TMEM63C: variants seen among roughly 807,000 people sequenced by gnomAD.
The protein encoded by TMEM63C is transmembrane protein 63C.
Under a neutral mutation model 99.2 loss-of-function variants are expected in TMEM63C, and 32 were observed. That is an observed-to-expected ratio of 0.32 (90% CI 0.24 to 0.43). The LOEUF (loss-of-function observed/expected upper bound fraction) is 0.43, where lower values mean the gene tolerates loss of function less well. Ranked by LOEUF, TMEM63C falls within the 20% of genes least tolerant of loss-of-function variation. The probability of loss-of-function intolerance (pLI) is 1.00; values close to 1 mark genes in which losing one functional copy is unlikely to be tolerated. For missense variants in TMEM63C, 826 were observed against 1,053.0 expected (o/e 0.78, Z 2.98); for synonymous variants, 376 against 397.9 (o/e 0.94, Z 0.66).
chr14:77,182,424 C>A (rs1887930042), intron 1 of TMEM63C, among the ~76,000 whole-genome samples: 1 of 152,222 alleles, frequency 6.6e-6, no homozygotes, highest in African/African-American at 2.4e-5. Flanking sequence ...TCCCCATGTG[C>A]TTCCAAAGAA....
intron 9 of TMEM63C, 144 bp downstream of exon 9, chr14:77,236,876 GGCC>G (rs1889070625): frequency 3.0e-5 from 19 of 636,704 alleles, no homozygotes; most frequent in Non-Finnish European, 5.4e-5. Flanking sequence ...CCTGAGCAGG[GGCC>G]AAGCTTCCTC....
rs751143240 is a variant in TMEM63C, at chr14:77,219,569, C to T, written c.222C>T (p.His74=). 1 of 1,613,932 alleles carries T rather than the reference C, an allele frequency of 6.2e-7. No homozygotes were observed. The highest frequency in any genetic ancestry group is 8.5e-7 in the Non-Finnish European group (1 of 1,179,866). Reference sequence around the variant, plus strand: ...ATGGGCGCCTGGCTCTGCTGATACACAATGACAGGTGAGGAGGGGTCGAGA... The same window carrying T: ...ATGGGCGCCTGGCTCTGCTGATACATAATGACAGGTGAGGAGGGGTCGAGA... The part of the protein sequence containing the change: ...WDYGRLALLI[H]NDSLTSLIYG... The change falls in exon 4 of 24, where the codon CAC becomes CAT. Residue 74 remains histidine, a synonymous_variant. Coordinates refer to ENST00000298351, the MANE Select transcript of TMEM63C (RefSeq NM_020431.4).
Position 77,220,056 on chromosome 14 carries a change from A to C in TMEM63C, c.281A>C (p.Glu94Ala). 1 of 1,560,840 alleles carries C rather than the reference A, an allele frequency of 6.4e-7. No individual in the cohort carries two copies. Among genetic ancestry groups the C allele is most frequent in the Non-Finnish European group, 8.7e-7 (1 of 1,152,344 alleles). The change falls in exon 5 of 24, where the codon GAG (glutamate) becomes GCG (alanine). Residue 94 changes from glutamate (E) to alanine (A), a missense_variant. Physicochemically the swap from Glu to Ala is moderately radical, Grantham distance 107. Transcript: ENST00000298351. Reference sequence around the variant, plus strand: ...CAGAGCGAGAAGACATCTCCCTCGGAGACTTCCTTGGAGATGGAACGCAGA... The same window carrying C: ...CAGAGCGAGAAGACATCTCCCTCGGCGACTTCCTTGGAGATGGAACGCAGA... ...GEQSEKTSPS[E>A]TSLEMERRDK...
chr14:77,206,646 C>T (rs188583212), intron 1 of TMEM63C, among the ~76,000 whole-genome samples: 15 of 152,096 alleles, frequency 9.9e-5, no homozygotes, highest in African/African-American at 3.6e-4. Context: ...ACCCTCTCCT[C>T]CCCATCAACA....
At chr14:77,182,704 G>A (rs1887934754) in intron 1 of TMEM63C, among the ~76,000 whole-genome samples, 1 of 152,288 alleles carries the variant, frequency 6.6e-6, no homozygotes, top group African/African-American at 2.4e-5. Flanking sequence ...TTCCGCATGG[G>A]GCTCCAGGGT....
chr14:77,216,506 A>G (rs1888588966), intron 2 of TMEM63C, among the ~76,000 whole-genome samples: 1 of 151,730 alleles, frequency 6.6e-6, no homozygotes, highest in African/African-American at 2.4e-5. Context: ...CCCCGTCCCC[A>G]CTTAGCATGT....
At chr14:77,238,810 C>G in intron 10 of TMEM63C, 43 bp downstream of exon 10, 2 of 1,520,776 alleles carry the variant, frequency 1.3e-6, no homozygotes, top group South Asian at 1.1e-5. Context: ...TGCTTCCTCC[C>G]CATAACCCCG....
chr14:77,202,998 T>C (rs1300287521), intron 1 of TMEM63C, among the ~76,000 whole-genome samples: 1 of 152,220 alleles, frequency 6.6e-6, no homozygotes, highest in African/African-American at 2.4e-5. Flanking sequence ...ATTACAACAC[T>C]TACCCAGTGA....
intron 23 of TMEM63C, among the ~76,000 whole-genome samples, chr14:77,256,056 G>A (rs1397819165): frequency 6.6e-6 from 1 of 152,198 alleles, no homozygotes; most frequent in Admixed American, 6.5e-5. Context: ...GGGTGTGACA[G>A]GTCATGTGAC....
chr14:77,233,536 T>C (rs765707983), intron 8 of TMEM63C, 36 bp downstream of exon 8: 1 of 1,608,734 alleles, frequency 6.2e-7, no homozygotes, highest in South Asian at 1.1e-5. Context: ...TTCCATTGGC[T>C]GGGGGTGTTG....
intron 5 of TMEM63C, among the ~76,000 whole-genome samples, chr14:77,222,712 C>G (rs1888747368): frequency 6.6e-6 from 1 of 152,230 alleles, no homozygotes; most frequent in African/African-American, 2.4e-5. Context: ...CCCCCTTCCG[C>G]AGTGGCCCTT....
intron 18 of TMEM63C, among the ~76,000 whole-genome samples, chr14:77,247,675 T>A (rs1301072727): frequency 6.6e-6 from 1 of 152,248 alleles, no homozygotes. Context: ...TTTGTTTTAG[T>A]GATAACAAGT....
intron 7 of TMEM63C, among the ~76,000 whole-genome samples, chr14:77,232,244 C>A (rs1214130352): frequency 6.6e-6 from 1 of 151,938 alleles, no homozygotes; most frequent in Non-Finnish European, 1.5e-5. Context: ...CAGAAAATAC[C>A]TTTGCCTAGC....
chr14:77,193,435 G>T (rs867025501), intron 1 of TMEM63C, among the ~76,000 whole-genome samples: 1 of 152,134 alleles, frequency 6.6e-6, no homozygotes, highest in African/African-American at 2.4e-5. Context: ...GTGGCTCATG[G>T]TTGTAATCCC....
chr14:77,186,302 C>T (rs144638024), intron 1 of TMEM63C, among the ~76,000 whole-genome samples: 155 of 152,246 alleles, frequency 1.0e-3, no homozygotes, highest in African/African-American at 3.5e-3. Flanking sequence ...AGTGAGCCAA[C>T]GTGCCCAGCC....
At chr14:77,242,771 C>A in intron 14 of TMEM63C, 132 bp from the exon 15 acceptor site, 1 of 1,076,770 alleles carries the variant, frequency 9.3e-7, no homozygotes, top group Non-Finnish European at 1.4e-6. Context: ...GGTCCTGTTG[C>A]ATGCAAGTCT....
At chr14:77,238,948 G>T (rs1889108805) in intron 10 of TMEM63C, among the ~76,000 whole-genome samples, 181 bp downstream of exon 10, 1 of 152,178 alleles carries the variant, frequency 6.6e-6, no homozygotes, top group Non-Finnish European at 1.5e-5. Context: ...GCTGGAGCAG[G>T]GTGTCTGAAG....
chr14:77,255,653 G>A (rs1210352638), intron 23 of TMEM63C, among the ~76,000 whole-genome samples: 1 of 152,216 alleles, frequency 6.6e-6, no homozygotes, highest in Non-Finnish European at 1.5e-5. Context: ...TACAGGTAGT[G>A]CTGCAATTTA....
At chr14:77,239,306 G>A (rs1020611324) in intron 10 of TMEM63C, 106 bp from the exon 11 acceptor site, 16 of 1,109,398 alleles carry the variant, frequency 1.4e-5, no homozygotes, top group Non-Finnish European at 2.2e-5. Flanking sequence ...AGGAACACCA[G>A]GCAGCTGAGC....
Sources: allele counts gnomAD v4.1 joint callset (sites outside exome capture counted in the v4.1 genomes callset), GRCh38; gene constraint gnomAD v4.1.1; transcripts MANE v1.5; gene names NCBI Gene and HGNC (gene_info 2026-07-23, HGNC 2026-07-21).